Variants in TPX2 observed in about 807,000 individuals in gnomAD.
TPX2 encodes the protein TPX2 microtubule nucleation factor, also known as targeting protein for Xklp2.
In TPX2, 21 loss-of-function variants were observed where a neutral mutation model predicts 93.6. The observed-to-expected ratio is 0.22, with a 90% CI of 0.16 to 0.32. The LOEUF is 0.32. Among genes scored for constraint, TPX2 ranks in the 10% least tolerant of loss-of-function variants. The probability of loss-of-function intolerance (pLI) is 1.00; values close to 1 mark genes in which losing one functional copy is unlikely to be tolerated. For missense variants in TPX2, 776 were observed against 871.1 expected, an observed-to-expected ratio of 0.89 and a Z score of 1.37; for synonymous variants, 281 against 298.3, an observed-to-expected ratio of 0.94 and a Z score of 0.60.
intron 12 of TPX2, among the ~76,000 whole-genome samples, chr20:31,789,312 C>A (rs2062086082): frequency 6.6e-6 from 1 of 152,144 alleles, no homozygotes; most frequent in Non-Finnish European, 1.5e-5. Flanking sequence ...ATAGTGACCA[C>A]CACAGCACAA....
At position 31,777,579 on chromosome 20, in the gene TPX2, C is replaced by A. The variant is rs2062008795; in HGVS notation, c.823C>A (p.Gln275Lys). Reference protein sequence around the residue: ...DERIKQHPKNQEEYKEVNFTS... With the variant: ...DERIKQHPKNKEEYKEVNFTS... ...GCGAATCAAACAACATCCTAAGAAC[C>A]AGGAGGAATATAAGGAAGTGAACTT... Residue 275 changes from glutamine (Q) to lysine (K), a missense_variant, in exon 9 of 18, where the codon CAG (glutamine) becomes AAG (lysine). Around this residue, in one of 3 missense-constraint regions of TPX2, gnomAD observed 279 missense variants for 261.6 expected, o/e 1.07. Transcript: ENST00000300403. 1 of 1,614,016 alleles carries A rather than the reference C, an allele frequency of 6.2e-7. No individual in the cohort carries two copies. Among genetic ancestry groups the A allele is most frequent in the Non-Finnish European group, 8.5e-7 (1 of 1,180,034 alleles).
intron 7 of TPX2, among the ~76,000 whole-genome samples, chr20:31,773,711 TA>T (rs1361559923): frequency 2.0e-5 from 3 of 152,330 alleles, no homozygotes; most frequent in East Asian, 3.8e-4. Flanking sequence ...ATTATTATTT[TA>T]AAAATTTAAT....
chr20:31,761,435 T>G (rs2061890346), intron 4 of TPX2, among the ~76,000 whole-genome samples: 1 of 151,956 alleles, frequency 6.6e-6, no homozygotes, highest in South Asian at 2.1e-4. Flanking sequence ...CTCCTGACCT[T>G]GTGATCCGCC....
rs2062151369 is a variant in TPX2, at chr20:31,798,455, C to T, written c.2036C>T (p.Ala679Val). The change falls in exon 17 of 18, where the codon GCT becomes GTT. Residue 679 changes from alanine (A) to valine (V), a missense_variant. Coordinates refer to ENST00000300403, the MANE Select transcript of TPX2 (RefSeq NM_012112.5). ...CGGCAGGAGCTGGAGAAGAGAATGG[C>T]TGAGGTAGAAGCCCAGAAAGCCCAG... is the stretch of plus-strand genomic sequence containing the variant. ...KERQELEKRM[A>V]EVEAQKAQQL... 6.2e-7 allele frequency: 1 copy of T among 1,613,796 alleles called. No individual in the cohort carries two copies. The highest frequency in any genetic ancestry group is 1.7e-5 in the Admixed American group (1 of 59,992).
intron 12 of TPX2, among the ~76,000 whole-genome samples, chr20:31,792,130 C>G (rs79052331): frequency 1.3e-5 from 2 of 152,224 alleles, no homozygotes; most frequent in South Asian, 4.1e-4. Context: ...GGTTCACGTC[C>G]GTAATCCTCA....
intron 12 of TPX2, among the ~76,000 whole-genome samples, chr20:31,787,160 G>T (rs751387515): frequency 8.6e-5 from 13 of 150,348 alleles, no homozygotes; most frequent in Non-Finnish European, 1.6e-4. Context: ...CTTCTAAGAG[G>T]TGGAGTCTAT....
At chr20:31,769,406 C>T (rs1477846517) in intron 5 of TPX2, among the ~76,000 whole-genome samples, 4 of 151,238 alleles carry the variant, frequency 2.6e-5, no homozygotes, top group Non-Finnish European at 5.9e-5. Flanking sequence ...GCAAGCTCCG[C>T]CTCCCGGGTT....
At chr20:31,765,138 A>G (rs909223489) in intron 4 of TPX2, among the ~76,000 whole-genome samples, 2 of 151,552 alleles carry the variant, frequency 1.3e-5, no homozygotes, top group African/African-American at 2.4e-5. Flanking sequence ...CAGTGTTCCC[A>G]TAACACTTTT....
intron 15 of TPX2, among the ~76,000 whole-genome samples, chr20:31,796,203 T>C (rs1311442640): frequency 6.6e-6 from 1 of 152,240 alleles, no homozygotes; most frequent in Non-Finnish European, 1.5e-5. Flanking sequence ...CACCTGGTTC[T>C]ATAGTGATCA....
chr20:31,775,803 T>A, intron 7 of TPX2, 64 bp from the exon 8 acceptor site: 3 of 1,390,302 alleles, frequency 2.2e-6, no homozygotes, highest in Non-Finnish European at 2.8e-6. Context: ...TGCCTGTAGA[T>A]TCTTTTGAGT....
At position 31,797,593 on chromosome 20, in the gene TPX2, A is replaced by G. The variant is rs544565758; in HGVS notation, c.1945+78A>G. Reference sequence around the variant, plus strand: ...GTGGGATGCTGGAATTCAGTGTGTCAGTACAATGCTGTGTCAACTAGAAGC... The same window carrying G: ...GTGGGATGCTGGAATTCAGTGTGTCGGTACAATGCTGTGTCAACTAGAAGC... On this transcript the variant is annotated intron_variant, in intron 16 of 17. Transcript: ENST00000300403. The G allele has an allele frequency of 6.5e-5, 82 of 1,270,832 alleles. No homozygotes were observed. The African/African-American group carries it at 1.2e-3, about 18-fold the overall frequency. The allele number at this position is 1,270,832 out of a possible 1,614,324, so 78.7% of individuals were successfully genotyped here. A position where few individuals can be genotyped will look rare whatever the true frequency, so the allele number is the denominator to read the frequency against.
At chr20:31,757,228 C>T (rs1395711024) in intron 2 of TPX2, among the ~76,000 whole-genome samples, 179 bp from the exon 3 acceptor site, 1 of 152,116 alleles carries the variant, frequency 6.6e-6, no homozygotes, top group Non-Finnish European at 1.5e-5. Context: ...TAATTCCAAA[C>T]ATATCTACCT....
intron 2 of TPX2, among the ~76,000 whole-genome samples, chr20:31,752,303 A>C (rs2061825056): frequency 6.6e-6 from 1 of 152,172 alleles, no homozygotes; most frequent in Non-Finnish European, 1.5e-5. Flanking sequence ...TCAGGAAAGA[A>C]AATTTTTTCC....
At chr20:31,755,782 G>A (rs2061848357) in intron 2 of TPX2, among the ~76,000 whole-genome samples, 1 of 151,870 alleles carries the variant, frequency 6.6e-6, no homozygotes, top group Non-Finnish European at 1.5e-5. Context: ...AAAGACAAAT[G>A]GCTCATTGGG....
At chr20:31,749,702 G>A (rs2061806923) in intron 2 of TPX2, among the ~76,000 whole-genome samples, 1 of 151,854 alleles carries the variant, frequency 6.6e-6, no homozygotes, top group Non-Finnish European at 1.5e-5. Flanking sequence ...GGCTGAGGCA[G>A]GAGAATCACA....
intron 7 of TPX2, among the ~76,000 whole-genome samples, chr20:31,772,375 A>G (rs546997588): frequency 6.6e-6 from 1 of 152,140 alleles, no homozygotes; most frequent in South Asian, 2.1e-4. Context: ...TATGTTGCCC[A>G]GGCTCTCAAA....
At position 31,771,601 on chromosome 20, in the gene TPX2, A is replaced by T. The variant is rs780566978; in HGVS notation, c.527A>T (p.His176Leu). 1.9e-6 allele frequency: 3 copies of T among 1,614,002 alleles called. No individual in the cohort carries two copies. In the Admixed American group the frequency reaches 5.0e-5, roughly 27 times the overall value. Reference sequence around the variant, plus strand: ...AAGCCAGAGGAAGAAGGCAGTGCTCATCAAGATACTGCTGAAAAGAATGCA... The same window carrying T: ...AAGCCAGAGGAAGAAGGCAGTGCTCTTCAAGATACTGCTGAAAAGAATGCA... ...KKKPEEEGSA[H>L]QDTAEKNASS... The change falls in exon 7 of 18, where the codon CAT (histidine) becomes CTT (leucine). Residue 176 changes from histidine (H) to leucine (L), a missense_variant. Around this residue, in one of 3 missense-constraint regions of TPX2, gnomAD observed 279 missense variants for 261.6 expected, o/e 1.07. Transcript: ENST00000300403.
chr20:31,779,500 A>T (rs2062020597), intron 10 of TPX2, among the ~76,000 whole-genome samples: 1 of 152,212 alleles, frequency 6.6e-6, no homozygotes, highest in Non-Finnish European at 1.5e-5. Context: ...CCTTTACCAT[A>T]ATTTGTAGTG....
In TPX2 at chr20:31,783,893, G is replaced by A; in HGVS notation, c.1385G>A (p.Cys462Tyr). Residue 462 changes from cysteine (C) to tyrosine (Y), a missense_variant, in exon 12 of 18, where the codon TGC (cysteine) becomes TAC (tyrosine). This residue lies in a region of TPX2 where 461 missense variants were observed against 551.2 expected (regional missense o/e 0.84). Coordinates refer to ENST00000300403, the MANE Select transcript of TPX2 (RefSeq NM_012112.5). ...CACTTTGAATTTCATTCCAGACCTT[G>A]CCCTACTAAGATTTTGGAAGATGTT... is the stretch of plus-strand genomic sequence containing the variant. ...DEHFEFHSRPCPTKILEDVVG... is the reference protein window; with the variant it reads ...DEHFEFHSRPYPTKILEDVVG... 1 of 1,613,020 alleles carries A rather than the reference G, an allele frequency of 6.2e-7. No homozygotes were observed. Among genetic ancestry groups the A allele is most frequent in the Non-Finnish European group, 8.5e-7 (1 of 1,179,828 alleles).
Sources: gnomAD v4.1 joint callset for allele counts (sites outside exome capture counted in the v4.1 genomes callset) on GRCh38, gnomAD v4.1.1 for gene constraint, gnomAD v4.1.1 regional missense constraint, MANE v1.5 for transcripts, NCBI Gene and HGNC (gene_info 2026-07-23, HGNC 2026-07-21) for gene names.